The following TULP4 variants were observed in gnomAD, a reference collection of about 807,000 sequenced individuals.
The protein encoded by TULP4 is tubby-related protein 4.
TULP4 carries 16 observed loss-of-function variants against 129.0 expected under a neutral mutation model. The observed-to-expected ratio is 0.12, with a 90% CI of 0.08 to 0.19. TULP4 has a LOEUF of 0.19. Among genes scored for constraint, TULP4 ranks in the 10% least tolerant of loss-of-function variants. The probability of loss-of-function intolerance (pLI) is 1.00; values close to 1 mark genes in which losing one functional copy is unlikely to be tolerated. For missense variants in TULP4, 1,842 were observed against 2,059.1 expected (o/e 0.89, Z 2.04); for synonymous variants, 998 against 854.0 (o/e 1.17, Z -2.94).
intron 1 of TULP4, among the ~76,000 whole-genome samples, chr6:158,274,789 CAAAA>C (rs890759759): frequency 1.3e-5 from 2 of 152,086 alleles, no homozygotes; most frequent in Admixed American, 1.3e-4. Context: ...AAACAAAAAA[CAAAA>C]AACCAAAACC....
chr6:158,242,540 C>A, intron 1 of TULP4: 1 of 749,680 alleles, frequency 1.3e-6, no homozygotes, highest in Non-Finnish European at 2.5e-6. Context: ...TCAAGACATT[C>A]TCAATTCTGT....
intron 1 of TULP4, among the ~76,000 whole-genome samples, chr6:158,339,706 C>T (rs985645138): frequency 1.3e-5 from 2 of 152,146 alleles, no homozygotes; most frequent in African/African-American, 4.8e-5. Context: ...CCACAGGCAG[C>T]CAAACTTTAA....
intron 1 of TULP4, among the ~76,000 whole-genome samples, chr6:158,284,372 T>C (rs1160818031): frequency 6.6e-6 from 1 of 152,198 alleles, no homozygotes; most frequent in Non-Finnish European, 1.5e-5. Flanking sequence ...TGCTTCTGAG[T>C]TGGAAGAGCC....
intron 1 of TULP4, among the ~76,000 whole-genome samples, chr6:158,329,683 AT>A (rs963837291): frequency 1.6e-4 from 24 of 151,678 alleles, no homozygotes; most frequent in African/African-American, 3.4e-4. Context: ...ACAATTTTAG[AT>A]TTTTTTTTAA....
intron 8 of TULP4, among the ~76,000 whole-genome samples, chr6:158,482,675 G>A (rs1025540608): frequency 6.6e-6 from 1 of 152,202 alleles, no homozygotes; most frequent in Non-Finnish European, 1.5e-5. Flanking sequence ...CAGGCCCTGA[G>A]CCCAGGTTTG....
chr6:158,327,579 A>T (rs567119755), intron 1 of TULP4, among the ~76,000 whole-genome samples: 1 of 152,158 alleles, frequency 6.6e-6, no homozygotes. Context: ...CATTTCTAAC[A>T]TCTTGTTCTA....
Position 158,382,132 on chromosome 6 carries a change from A to G in TULP4, c.253-30933A>G, listed in dbSNP as rs1562543298. On this transcript the variant is annotated intron_variant, in intron 1 of 13. Coordinates refer to ENST00000367097, the MANE Select transcript of TULP4 (RefSeq NM_020245.5). ...GGCATGATGGTCTCCCAGAGGAGTC[A>G]TTATGATCACTTGTATTAAACTAAC... 2.6e-5 allele frequency among the ~76,000 whole-genome samples: 4 copies of G among 152,292 alleles called. No homozygotes were observed. In the South Asian group the frequency reaches 8.3e-4, roughly 32 times the overall value.
At chr6:158,371,517 G>C (rs827992) in intron 1 of TULP4, among the ~76,000 whole-genome samples, 74,026 of 151,996 alleles carry the variant, frequency 0.49, 18,720 homozygotes, top group African/African-American at 0.62. Context: ...GAAGTGCACT[G>C]CCTGTCGTAT....
chr6:158,344,306 A>T (rs575729490), intron 1 of TULP4, among the ~76,000 whole-genome samples: 8 of 152,324 alleles, frequency 5.3e-5, no homozygotes, highest in Non-Finnish European at 7.3e-5. Context: ...TGTTGCTCAC[A>T]CAAAGCCTGT....
intron 1 of TULP4, among the ~76,000 whole-genome samples, chr6:158,362,954 C>T (rs368202170): frequency 1.3e-5 from 2 of 148,374 alleles, no homozygotes; most frequent in African/African-American, 2.5e-5. Context: ...CCCAGCTACT[C>T]GGGAGGCTAA....
At chr6:158,332,103 CGGA>C (rs1209828781) in intron 1 of TULP4, among the ~76,000 whole-genome samples, 2 of 141,368 alleles carry the variant, frequency 1.4e-5, no homozygotes, top group Admixed American at 7.3e-5. Context: ...ACCCGGGAGG[CGGA>C]GGTTGCAGTT....
intron 1 of TULP4, among the ~76,000 whole-genome samples, chr6:158,409,424 T>A (rs1233947646): frequency 6.6e-6 from 1 of 152,212 alleles, no homozygotes; most frequent in Non-Finnish European, 1.5e-5. Flanking sequence ...AGACAGAAGT[T>A]CTTTGGTGCT....
At chr6:158,443,551 T>C (rs1445492346) in intron 3 of TULP4, among the ~76,000 whole-genome samples, 1 of 152,208 alleles carries the variant, frequency 6.6e-6, no homozygotes, top group Non-Finnish European at 1.5e-5. Flanking sequence ...ATTCTGGTAA[T>C]AGGAATCATT....
intron 1 of TULP4, among the ~76,000 whole-genome samples, chr6:158,347,490 A>G (rs1780339625): frequency 6.6e-6 from 1 of 152,222 alleles, no homozygotes; most frequent in Non-Finnish European, 1.5e-5. Flanking sequence ...ATAACGGCCA[A>G]AATAGTATTT....
chr6:158,239,701 C>T, intron 1 of TULP4, among the ~76,000 whole-genome samples: 2 of 67,250 alleles, frequency 3.0e-5, no homozygotes, highest in African/African-American at 4.8e-5. Flanking sequence ...CCTCACTTCC[C>T]AGTAGGGGCG....
chr6:158,293,384 G>T (rs1778977285), intron 1 of TULP4, among the ~76,000 whole-genome samples: 1 of 152,162 alleles, frequency 6.6e-6, no homozygotes, highest in South Asian at 2.1e-4. Flanking sequence ...TCCCTAAACT[G>T]AGGCAATGTG....
chr6:158,429,069 A>G (rs1163588320), intron 2 of TULP4, among the ~76,000 whole-genome samples: 2 of 152,006 alleles, frequency 1.3e-5, no homozygotes, highest in East Asian at 1.9e-4. Flanking sequence ...TAAGGCCTCA[A>G]CCTCCTAGGC....
chr6:158,401,614 TGTGGGCCCAGGGTGTGGTCAAGCC>T (rs776350701), intron 1 of TULP4, among the ~76,000 whole-genome samples: 1 of 80,198 alleles, frequency 1.2e-5, no homozygotes, highest in Non-Finnish European at 2.7e-5. Context: ...AGAGTCAAGC[TGTGGGCCCAGGGTGTGGTCAAGCC>T]GTTCTAAGCA....
intron 1 of TULP4, among the ~76,000 whole-genome samples, chr6:158,372,180 T>TTTTTTAAAAA (rs1458196779): frequency 6.8e-6 from 1 of 146,478 alleles, no homozygotes; most frequent in Non-Finnish European, 1.5e-5. Context: ...TTTTTTTTTT[T>TTTTTTAAAAA]AAAGAAAAAG....
Sources: allele counts gnomAD v4.1 joint callset (sites outside exome capture counted in the v4.1 genomes callset), GRCh38; gene constraint gnomAD v4.1.1; transcripts MANE v1.5; gene names NCBI Gene and HGNC (gene_info 2026-07-23, HGNC 2026-07-21).